ZNF532: variants seen among roughly 807,000 people sequenced by gnomAD.
ZNF532 encodes zinc finger protein 532.
In ZNF532, 22 loss-of-function variants were observed where a neutral mutation model predicts 89.3. The ratio of observed to expected loss-of-function variants is 0.25; its 90% CI spans 0.18 to 0.35. ZNF532 has a LOEUF of 0.35. Among genes scored for constraint, ZNF532 ranks in the 10% least tolerant of loss-of-function variants. ZNF532 has a pLI of 1.00. For missense variants in ZNF532, 1,132 were observed against 1,643.4 expected (o/e 0.69, Z 5.38); for synonymous variants, 606 against 649.6 (o/e 0.93, Z 1.02).
At chr18:58,941,549 A>G (rs2063031409) in intron 5 of ZNF532, among the ~76,000 whole-genome samples, 1 of 137,604 alleles carries the variant, frequency 7.3e-6, no homozygotes, top group South Asian at 2.3e-4. Context: ...TGCAGCCTTG[A>G]CCTCCTGGGC....
intron 2 of ZNF532, among the ~76,000 whole-genome samples, chr18:58,886,556 A>G (rs755624852): frequency 3.9e-5 from 6 of 152,208 alleles, no homozygotes; most frequent in African/African-American, 7.2e-5. Context: ...TATGGTTACC[A>G]TGGTAAATTT....
rs2058629163 is a variant in ZNF532 at position 58,888,850 on chromosome 18, T to TA, written c.-18+23272dup. Among the ~76,000 whole-genome samples the TA allele has an allele frequency of 3.1e-4, 18 of 57,244 alleles. 1 individual carries two copies. The highest frequency in any genetic ancestry group is 6.8e-4 in the East Asian group (1 of 1,468). 37.6% of individuals were successfully genotyped at this position (57,244 alleles called of 152,430 possible). A position where few individuals can be genotyped will look rare whatever the true frequency, so the allele number is the denominator to read the frequency against. The stretch of plus-strand genomic sequence containing the variant: ...AAATTATATATATAATTTATATATA[T>TA]ATAATTTATATATATATAATATATA... On this transcript the variant is annotated intron_variant, in intron 2 of 9. Coordinates refer to ENST00000591808, the MANE Select transcript of ZNF532 (RefSeq NM_001375912.1).
chr18:58,910,935 G>A (rs1296339759), intron 2 of ZNF532, among the ~76,000 whole-genome samples: 1 of 151,354 alleles, frequency 6.6e-6, no homozygotes, highest in Non-Finnish European at 1.5e-5. Context: ...CTAGATTGCA[G>A]TGGCGTGATT....
At chr18:58,983,764 T>C (rs972301239) in intron 9 of ZNF532, among the ~76,000 whole-genome samples, 4 of 151,890 alleles carry the variant, frequency 2.6e-5, no homozygotes, top group African/African-American at 9.7e-5. Flanking sequence ...GGCAGAGCAA[T>C]GCCTGCTAAC....
At chr18:58,921,643 G>T (rs1237820646) in intron 3 of ZNF532, among the ~76,000 whole-genome samples, 2 of 152,182 alleles carry the variant, frequency 1.3e-5, no homozygotes, top group Non-Finnish European at 2.9e-5. Flanking sequence ...TTCACAGTGG[G>T]CATCAATCAG....
At chr18:58,975,150 A>C (rs1292139053) in intron 7 of ZNF532, among the ~76,000 whole-genome samples, 1 of 152,168 alleles carries the variant, frequency 6.6e-6, no homozygotes, top group East Asian at 1.9e-4. Context: ...TATTTAAATC[A>C]TGTGATTGGC....
intron 7 of ZNF532, among the ~76,000 whole-genome samples, chr18:58,972,746 GTATT>G (rs2066600003): frequency 6.6e-6 from 1 of 152,040 alleles, no homozygotes; most frequent in Non-Finnish European, 1.5e-5. Context: ...TTTCTTATCC[GTATT>G]TAAACACCGT....
chr18:58,899,163 G>A (rs1279407064), intron 2 of ZNF532, among the ~76,000 whole-genome samples: 2 of 152,212 alleles, frequency 1.3e-5, no homozygotes, highest in African/African-American at 4.8e-5. Flanking sequence ...GCTTTTTGGA[G>A]CTCTGTAATT....
chr18:58,903,628 T>G (rs1267753132), intron 2 of ZNF532, among the ~76,000 whole-genome samples: 1 of 151,378 alleles, frequency 6.6e-6, no homozygotes, highest in Non-Finnish European at 1.5e-5. Flanking sequence ...GAATTGGAGG[T>G]GAAATTCTTA....
intron 2 of ZNF532, among the ~76,000 whole-genome samples, chr18:58,892,224 T>A (rs938463937): frequency 2.6e-5 from 4 of 152,212 alleles, no homozygotes; most frequent in Admixed American, 1.3e-4. Flanking sequence ...TTCTTTTTTG[T>A]TTAAGAGTTA....
At chr18:58,964,371 T>G (rs934142571) in intron 7 of ZNF532, 1 of 152,190 alleles carries the variant, frequency 6.6e-6, no homozygotes, top group African/African-American at 2.4e-5. Flanking sequence ...CTATCTCTGG[T>G]TGACTGTTAG....
At chr18:58,884,627 A>G (rs1258422099) in intron 2 of ZNF532, among the ~76,000 whole-genome samples, 1 of 152,244 alleles carries the variant, frequency 6.6e-6, no homozygotes, top group African/African-American at 2.4e-5. Flanking sequence ...ACTAAAAAGC[A>G]TGGTACTTAC....
intron 7 of ZNF532, among the ~76,000 whole-genome samples, chr18:58,955,546 A>G (rs2064682549): frequency 6.6e-6 from 1 of 152,262 alleles, no homozygotes; most frequent in Admixed American, 6.5e-5. Context: ...TAAATGTGCT[A>G]AGAACTATTC....
intron 7 of ZNF532, among the ~76,000 whole-genome samples, chr18:58,958,079 A>AG (rs1360791932): frequency 6.6e-6 from 1 of 151,940 alleles, no homozygotes; most frequent in African/African-American, 2.4e-5. Flanking sequence ...AAAAAAAAAA[A>AG]AAAATACAAA....
chr18:58,903,459 A>G (rs1467245677), intron 2 of ZNF532, among the ~76,000 whole-genome samples: 1 of 152,166 alleles, frequency 6.6e-6, no homozygotes, highest in Non-Finnish European at 1.5e-5. Context: ...AGAAAAATTT[A>G]TCTGGAAATT....
intron 3 of ZNF532, among the ~76,000 whole-genome samples, chr18:58,927,114 A>G (rs1003462585): frequency 2.0e-5 from 3 of 152,200 alleles, no homozygotes; most frequent in African/African-American, 4.8e-5. Context: ...GAATTCTCCA[A>G]TGAAACCATC....
intron 7 of ZNF532, among the ~76,000 whole-genome samples, chr18:58,957,059 C>T (rs76397037): frequency 0.016 from 2,417 of 152,222 alleles, 33 homozygotes; most frequent in Middle Eastern, 0.044. Flanking sequence ...TAGACTTAAC[C>T]TCCTCTTCTT....
At chr18:58,958,671 G>A (rs575235110) in intron 7 of ZNF532, among the ~76,000 whole-genome samples, 2 of 152,322 alleles carry the variant, frequency 1.3e-5, no homozygotes, top group African/African-American at 4.8e-5. Flanking sequence ...ATGGGAAGGG[G>A]CTTTGTGTTA....
In ZNF532 at chr18:58,943,524, G is replaced by A. The variant is rs578230684; in HGVS notation, c.2705+3903G>A. 5.3e-5 allele frequency among the ~76,000 whole-genome samples: 8 copies of A among 150,728 alleles called. No individual in the cohort carries two copies. The South Asian group carries it at 1.7e-3, about 32-fold the overall frequency. On this transcript the variant is annotated intron_variant, in intron 5 of 9. Transcript: ENST00000591808. ...TGTTGCCAGGCTGTAGTGCAGTGGC[G>A]CAATCTTGGCTCACTGCAACCTCCA...
Sources: gnomAD v4.1 joint callset for allele counts (sites outside exome capture counted in the v4.1 genomes callset) on GRCh38, gnomAD v4.1.1 for gene constraint, MANE v1.5 for transcripts, NCBI Gene and HGNC (gene_info 2026-07-23, HGNC 2026-07-21) for gene names.